The following TMEM245 variants were observed in gnomAD, a reference collection of about 807,000 sequenced individuals.
TMEM245 encodes the protein protein CG-2.
In TMEM245, 69 loss-of-function variants were observed where a neutral mutation model predicts 101.2. That is an observed-to-expected ratio of 0.68 (90% CI 0.56 to 0.83). The LOEUF is 0.83. TMEM245 is among the 40% of genes least tolerant of loss of function. The pLI is 0.00. For synonymous variants in TMEM245, 537 were observed against 449.8 expected (o/e 1.19, Z -2.45); for missense variants, 1,075 against 1,092.8 (o/e 0.98, Z 0.23).
At chr9:109,112,717 G>T (rs1279622440) in intron 1 of TMEM245, among the ~76,000 whole-genome samples, 1 of 152,114 alleles carries the variant, frequency 6.6e-6, no homozygotes, top group Non-Finnish European at 1.5e-5. Flanking sequence ...ACAAAGAAAT[G>T]AATTTAGGAG....
At chr9:109,093,064 T>C (rs1434736507) in intron 4 of TMEM245, among the ~76,000 whole-genome samples, 2 of 151,714 alleles carry the variant, frequency 1.3e-5, no homozygotes, top group African/African-American at 2.4e-5. Context: ...AATAAAATCA[T>C]GGAGGAGAAC....
At chr9:109,078,718 T>C (rs1479898090) in intron 8 of TMEM245, among the ~76,000 whole-genome samples, 1 of 152,258 alleles carries the variant, frequency 6.6e-6, no homozygotes, top group African/African-American at 2.4e-5. Context: ...TAGCTAGGCA[T>C]GGTTTTGTGT....
At chr9:109,070,558 T>C (rs1829301535) in intron 9 of TMEM245, among the ~76,000 whole-genome samples, 1 of 152,216 alleles carries the variant, frequency 6.6e-6, no homozygotes, top group East Asian at 1.9e-4. Flanking sequence ...TGGTTTACTC[T>C]AGAAGCTTTT....
chr9:109,061,192 T>C (rs1263075083), intron 10 of TMEM245, among the ~76,000 whole-genome samples: 1 of 152,182 alleles, frequency 6.6e-6, no homozygotes, highest in Non-Finnish European at 1.5e-5. Flanking sequence ...GGCGCATGCC[T>C]GCAGTCCCAG....
Position 109,033,330 on chromosome 9 carries a change from G to T in TMEM245, c.2571C>A (p.Thr857=). 6.2e-7 allele frequency: 1 copy of T among 1,612,118 alleles called. No individual in the cohort carries two copies. The highest frequency in any genetic ancestry group is 1.1e-5 in the South Asian group (1 of 90,696). ...PTNSVPTPNQ[T]PWPAQPQRTF... ...ACCGCTGAGGCTGAGCAGGCCATGG[G>T]GTCTGGTTTGGCGTGGGAACTGAAT... is the stretch of plus-strand genomic sequence containing the variant. Residue 857 remains threonine (T), a synonymous_variant, in exon 17 of 18, where the codon ACC becomes ACA. Transcript: ENST00000374586.
intron 10 of TMEM245, among the ~76,000 whole-genome samples, chr9:109,063,308 C>T (rs1404890039): frequency 1.3e-5 from 2 of 152,004 alleles, no homozygotes; most frequent in Non-Finnish European, 2.9e-5. Flanking sequence ...TTAGTAGAGA[C>T]CAGGTTTCAC....
At chr9:109,073,856 G>GTTTTTTTTTTTTTT (rs904054098) in intron 8 of TMEM245, among the ~76,000 whole-genome samples, 1 of 119,864 alleles carries the variant, frequency 8.3e-6, no homozygotes, top group Admixed American at 9.5e-5. Context: ...TTTTTTTTTT[G>GTTTTTTTTTTTTTT]TTTTTTTTTT....
In TMEM245 at chr9:109,090,923, T is replaced by C. The variant is rs780249015; in HGVS notation, c.1149A>G (p.Ala383=). The change falls in exon 5 of 18, where the codon GCA becomes GCG. Residue 383 remains alanine (A), a splice_region_variant and synonymous_variant. Transcript: ENST00000374586. ...GATCGTACTTAACCAGATAACGACC[T>C]GCAATCGGCACTGGCAGCAACTGCA... ...WIVQLLPVPI[A]VWILKKLVIH... The C allele has an allele frequency of 1.2e-6, 2 of 1,613,990 alleles. No homozygotes were observed. The highest frequency in any genetic ancestry group is 1.1e-5 in the South Asian group (1 of 91,066).
At chr9:109,076,625 A>C (rs570256871) in intron 8 of TMEM245, among the ~76,000 whole-genome samples, 2 of 152,308 alleles carry the variant, frequency 1.3e-5, no homozygotes, top group East Asian at 3.9e-4. Flanking sequence ...TATGTTGCTT[A>C]ATTTCTAAAT....
At chr9:109,028,487 G>A (rs1027677560) in intron 17 of TMEM245, among the ~76,000 whole-genome samples, 2 of 150,898 alleles carry the variant, frequency 1.3e-5, no homozygotes, top group Non-Finnish European at 1.5e-5. Context: ...ATGCTCCAAC[G>A]AACACTTTCT....
At chr9:109,037,397 T>A (rs1828162761) in intron 15 of TMEM245, among the ~76,000 whole-genome samples, 1 of 152,234 alleles carries the variant, frequency 6.6e-6, no homozygotes, top group Non-Finnish European at 1.5e-5. Context: ...GGGCAACTGA[T>A]ACGGGTTTGG....
chr9:109,069,585 A>T (rs1326133048), intron 9 of TMEM245, among the ~76,000 whole-genome samples: 1 of 152,120 alleles, frequency 6.6e-6, no homozygotes, highest in African/African-American at 2.4e-5. Flanking sequence ...TTATATCCAT[A>T]TCCATTCTGA....
At chr9:109,102,554 T>C (rs930263477) in intron 3 of TMEM245, among the ~76,000 whole-genome samples, 102 of 152,350 alleles carry the variant, frequency 6.7e-4, no homozygotes, top group African/African-American at 2.3e-3. Context: ...AGAAAGTTCC[T>C]CATGACATAA....
rs1827565817 is a variant in TMEM245, at chr9:109,019,821, AAAGG to A, written c.*635_*638del. The A allele has an allele frequency of 6.6e-6, 1 of 152,496 alleles. No homozygotes were observed. The highest frequency in any genetic ancestry group is 6.5e-5 in the Admixed American group (1 of 15,288). 9.4% of individuals were successfully genotyped at this position (152,496 alleles called of 1,614,324 possible). A position where few individuals can be genotyped will look rare whatever the true frequency, so the allele number is the denominator to read the frequency against. On this transcript the variant is annotated 3_prime_UTR_variant, in exon 18 of 18. Transcript: ENST00000374586. ...AATAGTGTAAAGAAGCGTGAAGAGAAAAGGAAGAGGAGGAAGAGCTTCAGTCTTT... is the reference window on the plus strand; with the variant it reads ...AATAGTGTAAAGAAGCGTGAAGAGAAAAGAGGAGGAAGAGCTTCAGTCTTT...
At chr9:109,073,079 G>C (rs1829383698) in intron 9 of TMEM245, among the ~76,000 whole-genome samples, 1 of 152,152 alleles carries the variant, frequency 6.6e-6, no homozygotes, top group Non-Finnish European at 1.5e-5. Flanking sequence ...AATGACATAA[G>C]ACAGATGAAG....
At chr9:109,043,410 A>G (rs1828377180) in intron 14 of TMEM245, among the ~76,000 whole-genome samples, 1 of 152,202 alleles carries the variant, frequency 6.6e-6, no homozygotes, top group Non-Finnish European at 1.5e-5. Context: ...TACTGCAGAA[A>G]TTGACAGAAC....
chr9:109,089,938 C>T (rs1829949613), intron 5 of TMEM245, among the ~76,000 whole-genome samples: 1 of 152,158 alleles, frequency 6.6e-6, no homozygotes. Context: ...CAAGGTAAAA[C>T]GTGCTTCCCT....
intron 14 of TMEM245, among the ~76,000 whole-genome samples, chr9:109,047,162 C>T (rs1357187367): frequency 6.6e-6 from 1 of 152,096 alleles, no homozygotes; most frequent in African/African-American, 2.4e-5. Flanking sequence ...GATTATAGTT[C>T]TGGTACCAAA....
rs1057100031 is a variant in TMEM245 at position 109,018,551 on chromosome 9, T to G, written c.*1909A>C. On this transcript the variant is annotated 3_prime_UTR_variant, in exon 18 of 18. Coordinates refer to ENST00000374586, the MANE Select transcript of TMEM245 (RefSeq NM_032012.4). ...AGATCTGTATGCAGTCTACTCCATA[T>G]AGTCAAAAGATCTCATGGTAGCCTT... is the stretch of plus-strand genomic sequence containing the variant. 1 of 152,220 alleles carries G rather than the reference T, an allele frequency of 6.6e-6. No homozygotes were observed. The highest frequency in any genetic ancestry group is 1.5e-5 in the Non-Finnish European group (1 of 68,044). The allele number at this position is 152,220 out of a possible 1,614,324, so 9.4% of individuals were successfully genotyped here.
Sources: allele counts gnomAD v4.1 joint callset (sites outside exome capture counted in the v4.1 genomes callset), GRCh38; gene constraint gnomAD v4.1.1; transcripts MANE v1.5; gene names NCBI Gene and HGNC (gene_info 2026-07-23, HGNC 2026-07-21).